MACROD2: variants seen among roughly 807,000 people sequenced by gnomAD.
MACROD2 encodes the protein mono-ADP ribosylhydrolase 2.
MACROD2 carries 36 observed loss-of-function variants against 70.4 expected under a neutral mutation model. The observed-to-expected ratio is 0.51, with a 90% CI of 0.39 to 0.68. The LOEUF is 0.68. Ranked by LOEUF, MACROD2 falls within the 30% of genes least tolerant of loss-of-function variation. MACROD2 has a pLI of 0.00. For synonymous variants in MACROD2, 172 were observed against 178.8 expected (o/e 0.96, Z 0.30); for missense variants, 496 against 538.4 (o/e 0.92, Z 0.78).
At chr20:15,034,597 G>A (rs1018719796) in intron 5 of MACROD2, among the ~76,000 whole-genome samples, 1 of 152,036 alleles carries the variant, frequency 6.6e-6, no homozygotes, top group East Asian at 1.9e-4. Context: ...TTCTCAAATG[G>A]ATGTAAATTG....
chr20:14,189,154 A>G (rs917254602), intron 3 of MACROD2, among the ~76,000 whole-genome samples: 3 of 152,122 alleles, frequency 2.0e-5, no homozygotes, highest in Non-Finnish European at 4.4e-5. Flanking sequence ...ATTTAATGGT[A>G]CATTATTATA....
At chr20:14,018,686 A>G (rs974959205) in intron 2 of MACROD2, among the ~76,000 whole-genome samples, 2 of 152,110 alleles carry the variant, frequency 1.3e-5, no homozygotes, top group African/African-American at 2.4e-5. Flanking sequence ...CGTTGGTCTC[A>G]TTCAGTTTAT....
chr20:14,724,082 A>G (rs1000094845), intron 5 of MACROD2, among the ~76,000 whole-genome samples: 1 of 152,150 alleles, frequency 6.6e-6, no homozygotes, highest in African/African-American at 2.4e-5. Flanking sequence ...AAGGACTATG[A>G]ATGTTTTGTA....
chr20:14,159,985 G>A (rs1430654267), intron 3 of MACROD2, among the ~76,000 whole-genome samples: 1 of 152,050 alleles, frequency 6.6e-6, no homozygotes, highest in Admixed American at 6.5e-5. Flanking sequence ...ATTATCATGT[G>A]GTTTTTGTCC....
intron 8 of MACROD2, among the ~76,000 whole-genome samples, chr20:15,852,233 G>A (rs988547232): frequency 3.3e-5 from 5 of 152,180 alleles, no homozygotes; most frequent in African/African-American, 9.6e-5. Context: ...ATAACTCTTG[G>A]CTCCTCAGAT....
In MACROD2 at chr20:15,035,395, C is replaced by A. The variant is rs1423778903; in HGVS notation, c.419-194545C>A. On this transcript the variant is annotated intron_variant, in intron 5 of 17. Transcript: ENST00000684519. ...CTGAAGCCTGGGCAACAGAGTGAGA[C>A]CTTGTCTCCAAAAAAATAAGTAAAA... Among the ~76,000 whole-genome samples the A allele has an allele frequency of 4.0e-5, 6 of 150,234 alleles. No individual in the cohort carries two copies. The South Asian group carries it at 6.4e-4, about 16-fold the overall frequency.
chr20:15,839,279 C>G (rs1463276120), intron 8 of MACROD2, among the ~76,000 whole-genome samples: 1 of 152,134 alleles, frequency 6.6e-6, no homozygotes, highest in Non-Finnish European at 1.5e-5. Flanking sequence ...TCTTTCATCA[C>G]ATGATGAACC....
At chr20:14,775,663 A>G (rs1003816423) in intron 5 of MACROD2, among the ~76,000 whole-genome samples, 3 of 151,980 alleles carry the variant, frequency 2.0e-5, no homozygotes, top group Admixed American at 6.6e-5. Context: ...GGAGGGGACA[A>G]ACATCCAAAC....
intron 5 of MACROD2, among the ~76,000 whole-genome samples, chr20:14,990,527 T>C (rs1258301954): frequency 6.7e-6 from 1 of 149,346 alleles, no homozygotes; most frequent in Admixed American, 6.7e-5. Flanking sequence ...TTTTTTTTTT[T>C]TTTTGAGATG....
chr20:14,458,057 C>T lies in MACROD2; in HGVS notation c.272-35422C>T, dbSNP rs534066105. On this transcript the variant is annotated intron_variant, in intron 3 of 17. Coordinates refer to ENST00000684519, the MANE Select transcript of MACROD2 (RefSeq NM_001351661.2). ...CAGAGTTTGCAGTGAGCAGAGATCA[C>T]GCCATTGCACTCCAGCCTACATGAC... Among the ~76,000 whole-genome samples, 47 of 151,466 alleles carry T rather than the reference C, an allele frequency of 3.1e-4. No individual in the cohort carries two copies. In the South Asian group the frequency reaches 6.0e-3, roughly 19 times the overall value.
chr20:15,858,119 G>GGA (rs2064378223), intron 8 of MACROD2, among the ~76,000 whole-genome samples: 1 of 150,302 alleles, frequency 6.7e-6, no homozygotes, highest in Non-Finnish European at 1.5e-5. Flanking sequence ...TGGGCCTTGG[G>GGA]AAAAAAAAAA....
chr20:15,024,937 C>T (rs1363167182), intron 5 of MACROD2, among the ~76,000 whole-genome samples: 2 of 152,058 alleles, frequency 1.3e-5, no homozygotes, highest in African/African-American at 4.8e-5. Context: ...TTCTTATTTC[C>T]CCCCACGAGG....
chr20:15,737,681 T>A (rs2051043334), intron 8 of MACROD2, among the ~76,000 whole-genome samples: 1 of 152,198 alleles, frequency 6.6e-6, no homozygotes, highest in Non-Finnish European at 1.5e-5. Flanking sequence ...AGAAAGTAAA[T>A]CATTCACAAA....
intron 8 of MACROD2, among the ~76,000 whole-genome samples, chr20:15,553,626 C>T (rs2048127189): frequency 6.6e-6 from 1 of 152,058 alleles, no homozygotes; most frequent in Admixed American, 6.6e-5. Flanking sequence ...CACCATGTTG[C>T]CCAGGCCAGT....
intron 3 of MACROD2, among the ~76,000 whole-genome samples, chr20:14,348,140 G>T (rs1301107093): frequency 1.3e-5 from 2 of 151,716 alleles, no homozygotes; most frequent in East Asian, 3.9e-4. Context: ...GTGGTGGTAC[G>T]CACCTGTAGT....
Position 15,400,536 on chromosome 20 carries a change from A to G in MACROD2, c.541-30869A>G, listed in dbSNP as rs367613550. On this transcript the variant is annotated intron_variant, in intron 6 of 17. Coordinates refer to ENST00000684519, the MANE Select transcript of MACROD2 (RefSeq NM_001351661.2). ...GCCTCCTATCCAATGCAAAGTCAATAGATATTTTTCAATTTAAACTGGTTT... is the reference window on the plus strand; with the variant it reads ...GCCTCCTATCCAATGCAAAGTCAATGGATATTTTTCAATTTAAACTGGTTT... Among the ~76,000 whole-genome samples the G allele has an allele frequency of 8.1e-4, 123 of 152,310 alleles. 1 individual carries two copies. The South Asian group carries it at 0.025, about 31-fold the overall frequency.
chr20:14,493,654 T>C (rs2084819241), intron 4 of MACROD2, 146 bp downstream of exon 4: 3 of 609,520 alleles, frequency 4.9e-6, no homozygotes, highest in Non-Finnish European at 8.7e-6. Context: ...AAAAATAATT[T>C]ATAATATAAA....
intron 4 of MACROD2, among the ~76,000 whole-genome samples, chr20:14,600,210 A>G (rs1453482840): frequency 6.6e-6 from 1 of 152,034 alleles, no homozygotes; most frequent in Non-Finnish European, 1.5e-5. Flanking sequence ...ATCTTTCAAC[A>G]GCTTAATTTT....
chr20:14,135,563 C>A (rs1430828654), intron 3 of MACROD2, among the ~76,000 whole-genome samples: 1 of 151,832 alleles, frequency 6.6e-6, no homozygotes, highest in Non-Finnish European at 1.5e-5. Context: ...GTAGTCTCTG[C>A]TATTGGAGAG....
Sources: gnomAD v4.1 joint callset for allele counts (sites outside exome capture counted in the v4.1 genomes callset) on GRCh38, gnomAD v4.1.1 for gene constraint, MANE v1.5 for transcripts, NCBI Gene and HGNC (gene_info 2026-07-23, HGNC 2026-07-21) for gene names.